Variants in INTS3 observed in about 807,000 individuals in gnomAD.
The protein encoded by INTS3 is SOSS complex subunit A.
Under a neutral mutation model 146.3 loss-of-function variants are expected in INTS3, and 34 were observed. The observed-to-expected ratio is 0.23, with a 90% CI of 0.18 to 0.31. The LOEUF is 0.31. INTS3 is among the 10% of genes least tolerant of loss of function. The probability of loss-of-function intolerance (pLI) is 1.00; values close to 1 mark genes in which losing one functional copy is unlikely to be tolerated. For synonymous variants in INTS3, 475 were observed against 494.9 expected, an observed-to-expected ratio of 0.96 and a Z score of 0.53; for missense variants, 757 against 1,304.2, an observed-to-expected ratio of 0.58 and a Z score of 6.46.
At chr1:153,761,508 C>T in intron 13 of INTS3, 62 bp from the exon 14 acceptor site, 1 of 1,246,362 alleles carries the variant, frequency 8.0e-7, no homozygotes. Context: ...GACACTCTGT[C>T]TCAAAAAAAA....
In INTS3 at chr1:153,765,143, C is replaced by G. The variant is rs1672529368; in HGVS notation, c.2090+80C>G. ...TCTTCCACACGCTGACTCCCCAACC[C>G]TGGACTGTCATCACCAGGGCCTTCT... On this transcript the variant is annotated intron_variant, in intron 20 of 29. Coordinates refer to ENST00000318967, the MANE Select transcript of INTS3 (RefSeq NM_023015.5). The G allele has an allele frequency of 3.6e-5, 54 of 1,496,914 alleles. No homozygotes were observed. In the South Asian group the frequency reaches 5.9e-4, roughly 16 times the overall value. 92.7% of individuals were successfully genotyped at this position (1,496,914 alleles called of 1,614,324 possible).
chr1:153,772,878 A>T lies in INTS3; in HGVS notation c.2895-47A>T, dbSNP rs773434325. ...CAGAGAAGAGGATGGGAGGTGCCGT[A>T]GGAGCAGCAGGCTCCCACTCAAAGA... On this transcript the variant is annotated intron_variant, in intron 28 of 29. Coordinates refer to ENST00000318967, the MANE Select transcript of INTS3 (RefSeq NM_023015.5). This position sits in a 1 kb window ranked among gnomAD's most constrained non-coding sequence, Gnocchi z 4.6. 1.9e-6 allele frequency: 3 copies of T among 1,607,852 alleles called. No individual in the cohort carries two copies. The highest frequency in any genetic ancestry group is 2.6e-6 in the Non-Finnish European group (3 of 1,174,874).
chr1:153,752,925 T>C (rs1672013840), intron 8 of INTS3, among the ~76,000 whole-genome samples: 1 of 152,110 alleles, frequency 6.6e-6, no homozygotes, highest in African/African-American at 2.4e-5. Flanking sequence ...GTCCTTTTTA[T>C]ATCCCTTTCC....
In INTS3 at chr1:153,772,250, C is replaced by G; in HGVS notation, c.2721-90C>G. 1 of 1,446,594 alleles carries G rather than the reference C, an allele frequency of 6.9e-7. No homozygotes were observed. The highest frequency in any genetic ancestry group is 2.3e-5 in the East Asian group (1 of 43,766). 89.6% of individuals were successfully genotyped at this position (1,446,594 alleles called of 1,614,324 possible). ...ATCCTGTTCCCCATGTAGGCTGCCTCTGTCTTAAGGGGGCCCTGGCGGGTG... is the reference window on the plus strand; with the variant it reads ...ATCCTGTTCCCCATGTAGGCTGCCTGTGTCTTAAGGGGGCCCTGGCGGGTG... On this transcript the variant is annotated intron_variant, in intron 26 of 29. Transcript: ENST00000318967. The surrounding 1 kb of genome is among the most constrained non-coding windows in gnomAD (Gnocchi z 4.6).
chr1:153,760,038 A>G (rs1319485914), intron 11 of INTS3: 4 of 543,320 alleles, frequency 7.4e-6, no homozygotes. Context: ...AGAGCCATTC[A>G]TGTATATTGA....
rs761521594 is a variant in INTS3, at chr1:153,772,913, C to T, written c.2895-12C>T. ...GGCTCCCACTCAAAGAGCTACCGCTCCTTTTCCTTAGATTCAGTGATCTCT... is the reference window on the plus strand; with the variant it reads ...GGCTCCCACTCAAAGAGCTACCGCTTCTTTTCCTTAGATTCAGTGATCTCT... On this transcript the variant is annotated splice_polypyrimidine_tract_variant and intron_variant, in intron 28 of 29. Coordinates refer to ENST00000318967, the MANE Select transcript of INTS3 (RefSeq NM_023015.5). This position sits in a 1 kb window ranked among gnomAD's most constrained non-coding sequence, Gnocchi z 4.6. 1.9e-6 allele frequency: 3 copies of T among 1,613,970 alleles called. No individual in the cohort carries two copies. Among genetic ancestry groups the T allele is most frequent in the Admixed American group, 1.7e-5 (1 of 60,004 alleles).
intron 3 of INTS3, among the ~76,000 whole-genome samples, 189 bp downstream of exon 3, chr1:153,741,557 T>C (rs1188838728): frequency 6.6e-6 from 1 of 152,176 alleles, no homozygotes; most frequent in East Asian, 1.9e-4. Flanking sequence ...CCTTTCTCTA[T>C]CTCCAGATTC....
At chr1:153,766,118 T>C (rs1436370079) in intron 20 of INTS3, among the ~76,000 whole-genome samples, 1 of 134,246 alleles carries the variant, frequency 7.4e-6, no homozygotes, top group Non-Finnish European at 1.6e-5. Flanking sequence ...TCTTTCTCTT[T>C]TTTTTTTTTT....
rs1473879788 is a variant in INTS3 at position 153,728,553 on chromosome 1, TC to T, written c.-79del. 6.7e-6 allele frequency: 10 copies of T among 1,488,364 alleles called. No individual in the cohort carries two copies. The East Asian group carries it at 2.5e-4, about 38-fold the overall frequency. 92.2% of individuals were successfully genotyped at this position (1,488,364 alleles called of 1,614,324 possible). On this transcript the variant is annotated 5_prime_UTR_variant, in exon 1 of 30. Transcript: ENST00000318967. ...CCAACTTGTTCCTCTTGCCCCCCAG[TC>T]CCTGGCAATCCAGAGATCCCGATAT...
chr1:153,729,791 G>A (rs547441788), intron 1 of INTS3, among the ~76,000 whole-genome samples: 2 of 150,796 alleles, frequency 1.3e-5, no homozygotes, highest in South Asian at 2.1e-4. Context: ...GCTTGAACCC[G>A]TGGGCAGAAG....
chr1:153,757,440 T>A lies in INTS3; in HGVS notation c.958-132T>A. ...AAAGGAGGGGAGACTTACGAGACAGTATGAGCTAATGAATGAATTGTGGAG... is the reference window on the plus strand; with the variant it reads ...AAAGGAGGGGAGACTTACGAGACAGAATGAGCTAATGAATGAATTGTGGAG... On this transcript the variant is annotated intron_variant, in intron 9 of 29. Transcript: ENST00000318967. The surrounding 1 kb of genome is among the most constrained non-coding windows in gnomAD (Gnocchi z 4.0). The A allele has an allele frequency of 1.4e-6, 1 of 693,844 alleles. No homozygotes were observed. The highest frequency in any genetic ancestry group is 2.5e-6 in the Non-Finnish European group (1 of 406,542). 43.0% of individuals were successfully genotyped at this position (693,844 alleles called of 1,614,324 possible). A position where few individuals can be genotyped will look rare whatever the true frequency, so the allele number is the denominator to read the frequency against.
chr1:153,747,455 G>A, intron 5 of INTS3, 92 bp downstream of exon 5: 1 of 942,326 alleles, frequency 1.1e-6, no homozygotes, highest in Non-Finnish European at 1.7e-6. Flanking sequence ...CAAAGGGATG[G>A]AATTCTTGGA....
chr1:153,774,337 A>G lies in INTS3; in HGVS notation c.*1067A>G, dbSNP rs1673052714. The G allele has an allele frequency of 6.6e-6, 1 of 152,244 alleles. No individual in the cohort carries two copies. Among genetic ancestry groups the G allele is most frequent in the Non-Finnish European group, 1.5e-5 (1 of 68,078 alleles). 9.4% of individuals were successfully genotyped at this position (152,244 alleles called of 1,614,324 possible). On this transcript the variant is annotated 3_prime_UTR_variant, in exon 30 of 30. Transcript: ENST00000318967. The stretch of plus-strand genomic sequence containing the variant: ...GAGGCCTGTCCTTACTCATTTCTCA[A>G]GAAACAAGATGCTTCCAAAAGGTCT...
intron 20 of INTS3, 52 bp downstream of exon 20, chr1:153,765,115 C>T (rs1423919609): frequency 2.5e-6 from 4 of 1,601,644 alleles, no homozygotes; most frequent in Non-Finnish European, 2.6e-6. Flanking sequence ...CCTGGAGAGC[C>T]TCTCTTCCAC....
Position 153,752,374 on chromosome 1 carries a change from C to A in INTS3, c.825C>A (p.Ile275=). The A allele has an allele frequency of 6.2e-7, 1 of 1,613,242 alleles. No individual in the cohort carries two copies. The highest frequency in any genetic ancestry group is 8.5e-7 in the Non-Finnish European group (1 of 1,179,710). Residue 275 remains isoleucine, a synonymous_variant, in exon 8 of 30, where the codon ATC becomes ATA. Transcript: ENST00000318967. ...TTGAACTGCTTTGGAAAGATATTATCCATAATCCTCAGGCCTTGAGTCCTC... is the reference window on the plus strand; with the variant it reads ...TTGAACTGCTTTGGAAAGATATTATACATAATCCTCAGGCCTTGAGTCCTC... ...PEFELLWKDI[I]HNPQALSPQF... is the part of the protein sequence containing the mutation.
chr1:153,750,233 G>C (rs539521300), intron 6 of INTS3, among the ~76,000 whole-genome samples: 2 of 152,204 alleles, frequency 1.3e-5, no homozygotes, highest in East Asian at 1.9e-4. Context: ...CTTCCAACAG[G>C]GGGGCCAAAG....
At position 153,772,351 on chromosome 1, in the gene INTS3, C is replaced by T; in HGVS notation, c.2732C>T (p.Ser911Phe). The change falls in exon 27 of 30, where the codon TCT becomes TTT. Residue 911 changes from serine (S) to phenylalanine (F), a missense_variant. Transcript: ENST00000318967. This position sits in a 1 kb window ranked among gnomAD's most constrained non-coding sequence, Gnocchi z 4.6. ...TGATTCCTGCACAGCCTGAGGAGCT[C>T]TAGCAGCAAGCTGGCCCAGCTGACT... ...LPRKRQSLRS[S>F]SSKLAQLTLE... 1 of 1,614,058 alleles carries T rather than the reference C, an allele frequency of 6.2e-7. No homozygotes were observed. Among genetic ancestry groups the T allele is most frequent in the Non-Finnish European group, 8.5e-7 (1 of 1,179,996 alleles).
In INTS3 at chr1:153,738,467, T is replaced by A. The variant is rs1036826682; in HGVS notation, c.151-2184T>A. 2.0e-5 allele frequency among the ~76,000 whole-genome samples: 3 copies of A among 152,226 alleles called. No individual in the cohort carries two copies. The South Asian group carries it at 6.2e-4, about 32-fold the overall frequency. On this transcript the variant is annotated intron_variant, in intron 1 of 29. Transcript: ENST00000318967. ...TGGGTTGTCTGAAATTTCTTCATAA[T>A]TGGACTGAGTTTATGCATTTTTGGC...
intron 11 of INTS3, 187 bp from the exon 12 acceptor site, chr1:153,760,124 G>A: frequency 3.4e-6 from 2 of 592,356 alleles, no homozygotes; most frequent in Admixed American, 5.9e-5. Flanking sequence ...TCCAGCTGCT[G>A]GGGAGGTTGA....
Sources: gnomAD v4.1 joint callset for allele counts (sites outside exome capture counted in the v4.1 genomes callset) on GRCh38, gnomAD v4.1.1 for gene constraint, Gnocchi (gnomAD v3.1) non-coding constraint, MANE v1.5 for transcripts, NCBI Gene and HGNC (gene_info 2026-07-23, HGNC 2026-07-21) for gene names.